The following HACE1 variants were observed in gnomAD, a reference collection of about 807,000 sequenced individuals.
HACE1 encodes the protein E3 ubiquitin-protein ligase HACE1.
Under a neutral mutation model 118.4 loss-of-function variants are expected in HACE1, and 73 were observed. The ratio of observed to expected loss-of-function variants is 0.62; its 90% confidence interval spans 0.51 to 0.75. The LOEUF (loss-of-function observed/expected upper bound fraction) is 0.75, where lower values mean the gene tolerates loss of function less well. Ranked by LOEUF, HACE1 falls within the 30% of genes least tolerant of loss-of-function variation. The pLI is 0.00. For missense variants in HACE1, 749 were observed against 1,102.2 expected (o/e 0.68, Z 4.54); for synonymous variants, 368 against 374.8 (o/e 0.98, Z 0.21).
chr6:104,765,678 T>C (rs1050292548), intron 19 of HACE1, among the ~76,000 whole-genome samples: 2 of 152,178 alleles, frequency 1.3e-5, no homozygotes, highest in African/African-American at 4.8e-5. Flanking sequence ...TCCCTTCAAT[T>C]TTCACTTCAT....
At chr6:104,736,644 T>C (rs1775869014) in intron 22 of HACE1, among the ~76,000 whole-genome samples, 3 of 152,150 alleles carry the variant, frequency 2.0e-5, no homozygotes, top group Admixed American at 2.0e-4. Context: ...TTATTGACAA[T>C]TCAGAGTAAT....
chr6:104,849,237 C>T lies in HACE1; in HGVS notation c.231G>A (p.Ser77=), dbSNP rs200973354. The change falls in exon 4 of 24, where the codon TCG becomes TCA. Residue 77 remains serine (S), a synonymous_variant. Transcript: ENST00000262903. ...SLLHIAANCG[S]VECLVLLLKK... is the part of the protein sequence containing the mutation. ...TTAACAGCAAAACCAAGCATTCCAC[C>T]GATCCACAACTAAAACAATATTAAA... The T allele has an allele frequency of 5.8e-5, 91 of 1,579,592 alleles. No individual in the cohort carries two copies. Among genetic ancestry groups the T allele is most frequent in the Middle Eastern group, 1.7e-4 (1 of 6,004 alleles).
Position 104,772,069 on chromosome 6 carries a change from T to C in HACE1, c.1870A>G (p.Thr624Ala), listed in dbSNP as rs1440039221. Residue 624 changes from threonine to alanine, a missense_variant, in exon 18 of 24, where the codon ACT (threonine) becomes GCT (alanine). This residue lies in a region of HACE1 where 195 missense variants were observed against 322.1 expected (regional missense o/e 0.61). Coordinates refer to ENST00000262903, the MANE Select transcript of HACE1 (RefSeq NM_020771.4). ...ALFTQSADGT[T>A]FQPNSNSYVN... The stretch of plus-strand genomic sequence containing the variant: ...TAAGAGTTGCTATTAGGCTGAAAAG[T>C]TGTTCCTATTGAAATAAATACAAAA... 4 of 1,551,684 alleles carry C rather than the reference T, an allele frequency of 2.6e-6. No homozygotes were observed. The highest frequency in any genetic ancestry group is 3.6e-6 in the Non-Finnish European group (4 of 1,124,202).
intron 2 of HACE1, among the ~76,000 whole-genome samples, chr6:104,851,964 G>T (rs1776250533): frequency 6.6e-6 from 1 of 152,108 alleles, no homozygotes; most frequent in African/African-American, 2.4e-5. Context: ...TTGTCCCTCA[G>T]CCATAATCTT....
intron 22 of HACE1, among the ~76,000 whole-genome samples, chr6:104,733,950 C>A (rs577888892): frequency 6.7e-6 from 1 of 150,094 alleles, no homozygotes; most frequent in South Asian, 2.1e-4. Context: ...GTCAGGAGAT[C>A]GAGACCAGCC....
chr6:104,735,051 T>C (rs966436747), intron 22 of HACE1, among the ~76,000 whole-genome samples: 3 of 151,980 alleles, frequency 2.0e-5, no homozygotes, highest in African/African-American at 4.8e-5. Flanking sequence ...TAAACATATA[T>C]ATAAAATCTT....
chr6:104,848,138 T>C (rs1775841319), intron 4 of HACE1, among the ~76,000 whole-genome samples: 2 of 150,906 alleles, frequency 1.3e-5, no homozygotes, highest in African/African-American at 4.9e-5. Context: ...AGGCCTGGAC[T>C]CCATAAAGAA....
chr6:104,778,441 T>C (rs1181335626), intron 14 of HACE1, among the ~76,000 whole-genome samples: 1 of 152,070 alleles, frequency 6.6e-6, no homozygotes. Context: ...CTGGTCATGG[T>C]AGCAAAGAGG....
chr6:104,773,510 C>G (rs1374069524), intron 17 of HACE1, among the ~76,000 whole-genome samples: 1 of 151,778 alleles, frequency 6.6e-6, no homozygotes, highest in Non-Finnish European at 1.5e-5. Flanking sequence ...TGAAGCAAGA[C>G]CTGGTATTAA....
intron 22 of HACE1, among the ~76,000 whole-genome samples, chr6:104,738,223 C>T (rs1776162629): frequency 6.6e-6 from 1 of 152,202 alleles, no homozygotes; most frequent in Non-Finnish European, 1.5e-5. Flanking sequence ...GGGGAAAAAA[C>T]AGAACAGAAA....
intron 19 of HACE1, among the ~76,000 whole-genome samples, chr6:104,755,992 G>A (rs1778579255): frequency 6.6e-6 from 1 of 152,092 alleles, no homozygotes. Context: ...ATGAATCCAG[G>A]AGCTGATTTT....
chr6:104,791,546 C>A lies in HACE1; in HGVS notation c.1032G>T (p.Met344Ile), dbSNP rs1582487692. Reference protein sequence around the residue: ...GPSSPSNGIDMGYNGNKTPRS... With the variant: ...GPSSPSNGIDIGYNGNKTPRS... ...TTGGAGTTTTATTCCCATTGTAGCC[C>A]ATATCAATTCCATTACTGGGGGAGG... The change falls in exon 11 of 24, where the codon ATG becomes ATT. Residue 344 changes from methionine (M) to isoleucine (I), a missense_variant. By Grantham distance (10) the Met-to-Ile change is conservative. Around this residue, in one of 5 missense-constraint regions of HACE1, gnomAD observed 267 missense variants for 312.2 expected, o/e 0.86. Coordinates refer to ENST00000262903, the MANE Select transcript of HACE1 (RefSeq NM_020771.4). 1 of 1,612,874 alleles carries A rather than the reference C, an allele frequency of 6.2e-7. No individual in the cohort carries two copies. The highest frequency in any genetic ancestry group is 1.1e-5 in the South Asian group (1 of 91,058).
intron 19 of HACE1, among the ~76,000 whole-genome samples, chr6:104,756,483 T>C (rs989210001): frequency 1.3e-5 from 2 of 149,778 alleles, no homozygotes; most frequent in African/African-American, 2.5e-5. Context: ...AGTCACAAAC[T>C]AGTTATAAGA....
intron 19 of HACE1, among the ~76,000 whole-genome samples, chr6:104,760,674 A>G (rs574409190): frequency 1.3e-4 from 20 of 152,216 alleles, no homozygotes; most frequent in Non-Finnish European, 2.4e-4. Context: ...CCTATTCAAC[A>G]TAGTATTGGA....
chr6:104,823,614 T>G (rs1315429632), intron 6 of HACE1, among the ~76,000 whole-genome samples: 1 of 151,536 alleles, frequency 6.6e-6, no homozygotes, highest in Non-Finnish European at 1.5e-5. Flanking sequence ...GTTGCTCCAA[T>G]CCCCCAATAA....
intron 20 of HACE1, among the ~76,000 whole-genome samples, chr6:104,746,303 G>T (rs9499945): frequency 0.21 from 31,567 of 152,106 alleles, 3,971 homozygotes; most frequent in African/African-American, 0.36. Context: ...TTTAGTCCTA[G>T]TCACAGTGTT....
chr6:104,810,873 T>C (rs937865261), intron 7 of HACE1, among the ~76,000 whole-genome samples: 1 of 152,050 alleles, frequency 6.6e-6, no homozygotes, highest in Non-Finnish European at 1.5e-5. Flanking sequence ...TGGCTCTGGA[T>C]CAAGATATAT....
chr6:104,737,797 G>C (rs922971117), intron 22 of HACE1, among the ~76,000 whole-genome samples: 45 of 152,306 alleles, frequency 3.0e-4, no homozygotes, highest in East Asian at 1.2e-3. Context: ...ACAAAGCAGC[G>C]GGGAAGCCCG....
chr6:104,825,966 G>A (rs1773288333), intron 6 of HACE1, among the ~76,000 whole-genome samples: 1 of 152,112 alleles, frequency 6.6e-6, no homozygotes, highest in East Asian at 1.9e-4. Context: ...TCAGGAACCA[G>A]GCCACACAGC....
Sources: allele counts gnomAD v4.1 joint callset (sites outside exome capture counted in the v4.1 genomes callset), GRCh38; gene constraint gnomAD v4.1.1; regional missense constraint gnomAD v4.1.1; transcripts MANE v1.5; gene names NCBI Gene and HGNC (gene_info 2026-07-23, HGNC 2026-07-21).